Variants in UTRN observed in about 807,000 individuals in gnomAD.
The protein encoded by UTRN is dystrophin-related protein 1.
A neutral mutation model predicts 463.9 loss-of-function variants in UTRN; 283 were observed. The ratio of observed to expected loss-of-function variants is 0.61; its 90% confidence interval spans 0.55 to 0.67. The LOEUF is 0.67. UTRN is among the 30% of genes least tolerant of loss of function. UTRN has a pLI of 0.00. For missense variants in UTRN, 3,922 were observed against 4,084.3 expected (o/e 0.96, Z 1.08); for synonymous variants, 1,442 against 1,431.5 (o/e 1.01, Z -0.17).
At chr6:144,386,239 A>T (rs1781408809) in intron 2 of UTRN, among the ~76,000 whole-genome samples, 1 of 152,002 alleles carries the variant, frequency 6.6e-6, no homozygotes, top group South Asian at 2.1e-4. Context: ...AGGCGGGCGG[A>T]CTGCTTGAGC....
At chr6:144,731,116 T>C (rs1788468663) in intron 54 of UTRN, among the ~76,000 whole-genome samples, 1 of 151,086 alleles carries the variant, frequency 6.6e-6, no homozygotes, top group South Asian at 2.1e-4. Context: ...ATATATAAAA[T>C]ATTTAAATAT....
At chr6:144,688,009 A>G (rs1036225335) in intron 52 of UTRN, among the ~76,000 whole-genome samples, 4 of 152,278 alleles carry the variant, frequency 2.6e-5, no homozygotes, top group Admixed American at 2.0e-4. Context: ...GCCCTTTTAC[A>G]TAATCCCATA....
intron 43 of UTRN, among the ~76,000 whole-genome samples, chr6:144,533,732 T>TATAAC (rs1479996612): frequency 6.6e-6 from 1 of 150,774 alleles, no homozygotes; most frequent in African/African-American, 2.4e-5. Flanking sequence ...TATAATATAA[T>TATAAC]ATAATATAGT....
intron 49 of UTRN, among the ~76,000 whole-genome samples, 162 bp from the exon 50 acceptor site, chr6:144,556,995 G>A (rs1799445478): frequency 6.6e-6 from 1 of 152,068 alleles, no homozygotes; most frequent in Admixed American, 6.5e-5. Flanking sequence ...TACTAATTTT[G>A]GTTTAAGCTT....
chr6:144,568,400 A>C (rs566221782), intron 50 of UTRN, among the ~76,000 whole-genome samples: 163 of 152,226 alleles, frequency 1.1e-3, no homozygotes, highest in African/African-American at 3.8e-3. Context: ...CCTAAGCTTA[A>C]AATCATTTCT....
chr6:144,455,444 CCTTTA>C (rs1441384516), intron 19 of UTRN, among the ~76,000 whole-genome samples: 1 of 152,152 alleles, frequency 6.6e-6, no homozygotes, highest in Non-Finnish European at 1.5e-5. Context: ...GAATTTATTT[CCTTTA>C]CAAGCATAGA....
chr6:144,846,729 A>G, intron 73 of UTRN, 76 bp from the exon 74 acceptor site: 1 of 1,601,162 alleles, frequency 6.2e-7, no homozygotes, highest in Non-Finnish European at 8.6e-7. Flanking sequence ...CTTTCCACGC[A>G]TTTGCATGCC....
chr6:144,771,963 C>T lies in UTRN; in HGVS notation c.8552C>T (p.Ser2851Phe), dbSNP rs762992139. The T allele has an allele frequency of 1.9e-6, 3 of 1,552,020 alleles. No homozygotes were observed. The highest frequency in any genetic ancestry group is 1.2e-5 in the South Asian group (1 of 85,416). The change falls in exon 59 of 75, where the codon TCC (serine) becomes TTC (phenylalanine). Residue 2851 changes from serine (S) to phenylalanine (F), a missense_variant. Physicochemically the swap from Ser to Phe is radical, Grantham distance 155. Around this residue, in one of 3 missense-constraint regions of UTRN, gnomAD observed 1,309 missense variants for 1,452.6 expected, o/e 0.90. Transcript: ENST00000367545. ...CCTAAAATGACCGAACTCTTTCAAT[C>T]CCTTGGTAAGTGTTATTAATAGTAA... ...DHPKMTELFQ[S>F]LADLNNVRFS...
At chr6:144,410,181 A>C (rs887556672) in intron 3 of UTRN, among the ~76,000 whole-genome samples, 1 of 152,146 alleles carries the variant, frequency 6.6e-6, no homozygotes, top group Non-Finnish European at 1.5e-5. Context: ...TCTCCTTTAT[A>C]TATATTGAAC....
At chr6:144,348,378 C>T (rs930350512) in intron 2 of UTRN, among the ~76,000 whole-genome samples, 2 of 152,146 alleles carry the variant, frequency 1.3e-5, no homozygotes, top group African/African-American at 4.8e-5. Flanking sequence ...AAGGAAGGAA[C>T]GTTGTCATCT....
intron 29 of UTRN, 123 bp from the exon 30 acceptor site, chr6:144,488,550 T>A (rs1413397874): frequency 2.3e-6 from 2 of 856,180 alleles, no homozygotes; most frequent in East Asian, 5.8e-5. Context: ...ATTATTTATT[T>A]ATAAAGAAAG....
chr6:144,414,741 C>G (rs6908931), intron 3 of UTRN, among the ~76,000 whole-genome samples: 2 of 149,768 alleles, frequency 1.3e-5, no homozygotes, highest in Non-Finnish European at 1.5e-5. Flanking sequence ...TTTGAGACAG[C>G]GTATCTCTCT....
chr6:144,810,060 A>G (rs1402288227), intron 65 of UTRN, among the ~76,000 whole-genome samples: 1 of 152,102 alleles, frequency 6.6e-6, no homozygotes, highest in African/African-American at 2.4e-5. Context: ...AGAAGATACG[A>G]CCTAATGCTA....
At chr6:144,595,542 A>G (rs1175280302) in intron 51 of UTRN, among the ~76,000 whole-genome samples, 1 of 152,208 alleles carries the variant, frequency 6.6e-6, no homozygotes, top group East Asian at 1.9e-4. Flanking sequence ...ATTCTCTGCC[A>G]GTAAAATCAT....
intron 54 of UTRN, among the ~76,000 whole-genome samples, chr6:144,733,596 A>G (rs985070729): frequency 6.6e-6 from 1 of 152,006 alleles, no homozygotes; most frequent in Non-Finnish European, 1.5e-5. Flanking sequence ...TCCATAACCA[A>G]TCTATACTAT....
Position 144,285,481 on chromosome 6 carries a change from C to A in UTRN, c.-433C>A, listed in dbSNP as rs541077446. Among the ~76,000 whole-genome samples, 140 of 152,310 alleles carry A rather than the reference C, an allele frequency of 9.2e-4. No individual in the cohort carries two copies. The highest frequency in any genetic ancestry group is 1.6e-3 in the Non-Finnish European group (107 of 68,008). On this transcript the variant is annotated 5_prime_UTR_variant, in exon 1 of 75. Coordinates refer to ENST00000367545, the MANE Select transcript of UTRN (RefSeq NM_007124.3). ...CCTTCTTTTGGGTCATTTCTGCAAA[C>A]GGAAAACTCTGTAGCGTTTGGCAAA...
chr6:144,765,618 C>T (rs1793214196), intron 58 of UTRN, among the ~76,000 whole-genome samples: 1 of 152,128 alleles, frequency 6.6e-6, no homozygotes, highest in Non-Finnish European at 1.5e-5. Context: ...GCTATGTTGC[C>T]CAGGCTGGTC....
At position 144,531,180 on chromosome 6, in the gene UTRN, A is replaced by G; in HGVS notation, c.6035A>G (p.Glu2012Gly). ...GCTCCAGGTGGCAGCCTGGACTTAG[A>G]GAAAGCCAGGATACATCAGCAGGTG... ...TCAPGGSLDLEKARIHQQELE... is the reference protein window; with the variant it reads ...TCAPGGSLDLGKARIHQQELE... The change falls in exon 42 of 75, where the codon GAG (glutamate) becomes GGG (glycine). Residue 2012 changes from glutamate to glycine, a missense_variant. Physicochemically the swap from Glu to Gly is moderately conservative, Grantham distance 98 (BLOSUM62 -2). Transcript: ENST00000367545. The G allele has an allele frequency of 2.5e-6, 4 of 1,613,938 alleles. No individual in the cohort carries two copies. The highest frequency in any genetic ancestry group is 3.4e-6 in the Non-Finnish European group (4 of 1,179,884).
At chr6:144,554,503 C>T (rs1049444772) in intron 48 of UTRN, among the ~76,000 whole-genome samples, 185 bp from the exon 49 acceptor site, 3 of 151,836 alleles carry the variant, frequency 2.0e-5, no homozygotes, top group Admixed American at 1.3e-4. Flanking sequence ...TCTCAAACAC[C>T]GTTTCAGAAA....
Sources: allele counts gnomAD v4.1 joint callset (sites outside exome capture counted in the v4.1 genomes callset), GRCh38; gene constraint gnomAD v4.1.1; regional missense constraint gnomAD v4.1.1; transcripts MANE v1.5; gene names NCBI Gene and HGNC (gene_info 2026-07-23, HGNC 2026-07-21).